Variants in BTRC observed in about 807,000 individuals in gnomAD.
The protein encoded by BTRC is F-box/WD repeat-containing protein 1A.
A neutral mutation model predicts 85.5 loss-of-function variants in BTRC; 42 were observed. The observed-to-expected ratio is 0.49, with a 90% CI of 0.38 to 0.64. The LOEUF is 0.64. Among genes scored for constraint, BTRC ranks in the 30% least tolerant of loss-of-function variants. The probability of loss-of-function intolerance (pLI) is 0.00; values close to 1 mark genes in which losing one functional copy is unlikely to be tolerated. For missense variants in BTRC, 594 were observed against 743.5 expected (o/e 0.80, Z 2.34); for synonymous variants, 255 against 263.3 (o/e 0.97, Z 0.30).
chr10:101,399,558 G>A (rs537651337), intron 1 of BTRC, among the ~76,000 whole-genome samples: 1 of 152,226 alleles, frequency 6.6e-6, no homozygotes, highest in East Asian at 1.9e-4. Flanking sequence ...AGCTGTTGTT[G>A]CCCCACTGGA....
intron 2 of BTRC, among the ~76,000 whole-genome samples, chr10:101,434,795 C>T (rs1312686077): frequency 3.3e-5 from 5 of 150,720 alleles, no homozygotes; most frequent in African/African-American, 9.7e-5. Flanking sequence ...AACCCCGTCT[C>T]TACTAAAAAC....
At chr10:101,519,763 A>C (rs2062076229) in intron 4 of BTRC, among the ~76,000 whole-genome samples, 2 of 152,212 alleles carry the variant, frequency 1.3e-5, no homozygotes, top group Non-Finnish European at 2.9e-5. Context: ...TGGGAGGCCA[A>C]GGCGGGCAGC....
chr10:101,506,539 A>G (rs961014291), intron 4 of BTRC, among the ~76,000 whole-genome samples: 14 of 152,222 alleles, frequency 9.2e-5, no homozygotes, highest in African/African-American at 2.9e-4. Flanking sequence ...CAGTTCTATT[A>G]TATACCTTGT....
chr10:101,523,375 T>G (rs2134378864), intron 5 of BTRC, among the ~76,000 whole-genome samples: 1 of 152,276 alleles, frequency 6.6e-6, no homozygotes, highest in East Asian at 1.9e-4. Context: ...TTTTTCTGAA[T>G]GCTTAAGGGC....
chr10:101,474,761 G>A (rs74797273), intron 3 of BTRC, among the ~76,000 whole-genome samples: 4 of 152,150 alleles, frequency 2.6e-5, no homozygotes, highest in East Asian at 3.9e-4. Flanking sequence ...GCCTTCAGGG[G>A]AAAAGCACAT....
intron 1 of BTRC, among the ~76,000 whole-genome samples, chr10:101,376,341 A>C (rs956530036): frequency 6.6e-6 from 1 of 152,176 alleles, no homozygotes. Context: ...AACAACAACA[A>C]GTGATGGCAG....
chr10:101,383,040 T>C (rs992798582), intron 1 of BTRC, among the ~76,000 whole-genome samples: 2 of 149,450 alleles, frequency 1.3e-5, no homozygotes, highest in South Asian at 2.1e-4. Flanking sequence ...GGAGGACTTG[T>C]TGGGCCTTCC....
intron 1 of BTRC, among the ~76,000 whole-genome samples, chr10:101,413,353 G>T (rs962844589): frequency 6.6e-6 from 1 of 152,076 alleles, no homozygotes; most frequent in African/African-American, 2.4e-5. Flanking sequence ...TCGCTCTGTT[G>T]CCCAGGCTGG....
At chr10:101,413,411 T>G (rs1943838500) in intron 1 of BTRC, among the ~76,000 whole-genome samples, 1 of 152,238 alleles carries the variant, frequency 6.6e-6, no homozygotes, top group Admixed American at 6.5e-5. Context: ...CCTCCAGGGT[T>G]TACACCATTC....
intron 1 of BTRC, among the ~76,000 whole-genome samples, chr10:101,396,072 T>C (rs931202692): frequency 2.6e-5 from 4 of 152,142 alleles, no homozygotes; most frequent in Admixed American, 6.6e-5. Context: ...TCTGAACTTA[T>C]TGATTTAAGC....
At chr10:101,367,010 ATATATATTTATATTTATATATT>A (rs1942468072) in intron 1 of BTRC, among the ~76,000 whole-genome samples, 1 of 75,572 alleles carries the variant, frequency 1.3e-5, no homozygotes, top group Admixed American at 2.5e-4. Flanking sequence ...ATATATTTAT[ATATATATTTATATTTATATATT>A]TATATATATA....
intron 4 of BTRC, among the ~76,000 whole-genome samples, chr10:101,502,503 C>T (rs1946421646): frequency 6.6e-6 from 1 of 152,058 alleles, no homozygotes; most frequent in South Asian, 2.1e-4. Flanking sequence ...AAACATTAAC[C>T]TACTGTTAGT....
At chr10:101,457,744 G>A (rs1006272981) in intron 2 of BTRC, among the ~76,000 whole-genome samples, 1 of 152,074 alleles carries the variant, frequency 6.6e-6, no homozygotes, top group Non-Finnish European at 1.5e-5. Context: ...AATTACATTT[G>A]ATGGAATTTT....
intron 4 of BTRC, among the ~76,000 whole-genome samples, chr10:101,515,344 C>G (rs779757259): frequency 6.6e-6 from 1 of 151,932 alleles, no homozygotes; most frequent in African/African-American, 2.4e-5. Flanking sequence ...AATTTGCCTG[C>G]TGAGACTTTG....
At chr10:101,401,309 G>A (rs1943486963) in intron 1 of BTRC, among the ~76,000 whole-genome samples, 1 of 152,156 alleles carries the variant, frequency 6.6e-6, no homozygotes. Flanking sequence ...TCTTTACTTA[G>A]CATAAGGTGA....
chr10:101,414,633 A>C (rs753165019), intron 1 of BTRC: 1 of 517,822 alleles, frequency 1.9e-6, no homozygotes. Flanking sequence ...TGACAGGTCC[A>C]TAGATGTTAA....
At chr10:101,421,441 A>G (rs1589446413) in intron 1 of BTRC, among the ~76,000 whole-genome samples, 1 of 152,166 alleles carries the variant, frequency 6.6e-6, no homozygotes, top group South Asian at 2.1e-4. Context: ...ATCAACGTGT[A>G]ATTTATTTAA....
chr10:101,406,605 GCTCACTGCACCTCCAC>G (rs1943632248), intron 1 of BTRC, among the ~76,000 whole-genome samples: 1 of 128,002 alleles, frequency 7.8e-6, no homozygotes, highest in Non-Finnish European at 1.6e-5. Context: ...TGTGATCTTG[GCTCACTGCACCTCCAC>G]CTCCTGGGTT....
intron 1 of BTRC, among the ~76,000 whole-genome samples, chr10:101,396,804 A>ATT (rs767729747): frequency 4.3e-5 from 6 of 139,772 alleles, no homozygotes; most frequent in Admixed American, 7.2e-5. Context: ...TCTCCAAAAG[A>ATT]TTTTTTTTTT....
Sources: gnomAD v4.1 joint callset for allele counts (sites outside exome capture counted in the v4.1 genomes callset) on GRCh38, gnomAD v4.1.1 for gene constraint, MANE v1.5 for transcripts, NCBI Gene and HGNC (gene_info 2026-07-23, HGNC 2026-07-21) for gene names.